The following TMEM94 variants were observed in gnomAD, a reference collection of about 807,000 sequenced individuals.
TMEM94 encodes ER Mg2+ ATPase.
Under a neutral mutation model 158.6 loss-of-function variants are expected in TMEM94, and 81 were observed. The ratio of observed to expected loss-of-function variants is 0.51; its 90% confidence interval spans 0.43 to 0.61. The LOEUF (loss-of-function observed/expected upper bound fraction) is 0.61. TMEM94 is among the 20% of genes least tolerant of loss of function. TMEM94 has a pLI of 0.00. For synonymous variants in TMEM94, 751 were observed against 730.7 expected (o/e 1.03, Z -0.45); for missense variants, 1,435 against 1,762.0 (o/e 0.81, Z 3.32).
rs762291033 is a variant in TMEM94, at chr17:75,490,762, C to A, written c.1128+4C>A. 3.1e-6 allele frequency: 5 copies of A among 1,613,040 alleles called. No homozygotes were observed. In the South Asian group the frequency reaches 5.5e-5, roughly 18 times the overall value. On this transcript the variant is annotated splice_donor_region_variant and intron_variant, in intron 11 of 31. Coordinates refer to ENST00000314256, the MANE Select transcript of TMEM94 (RefSeq NM_014738.6). ...TACGGAGGCTGTCTCCTCTCAGGTA[C>A]AACACTGACCCGGGATGGCTTCTCT...
At chr17:75,476,624 C>T in intron 2 of TMEM94, 1 of 1,530,338 alleles carries the variant, frequency 6.5e-7, no homozygotes, top group Non-Finnish European at 8.7e-7. Context: ...TCTTTTCACC[C>T]TCCCCGCTTT....
intron 1 of TMEM94, among the ~76,000 whole-genome samples, chr17:75,461,176 T>C (rs1284382555): frequency 6.8e-6 from 1 of 147,178 alleles, no homozygotes; most frequent in Non-Finnish European, 1.5e-5. Context: ...CTCAACTTAC[T>C]GCAATCTCCG....
Position 75,498,440 on chromosome 17 carries a change from G to C in TMEM94, c.3639-4G>C, listed in dbSNP as rs774385663. ...GGGGCTGAGCCCATGCCTCACTTTG[G>C]CAGCAACGACGACAGGGCTCCAGCC... On this transcript the variant is annotated splice_polypyrimidine_tract_variant and splice_region_variant and intron_variant, in intron 28 of 31. Transcript: ENST00000314256. The surrounding 1 kb of genome is among the most constrained non-coding windows in gnomAD (Gnocchi z 6.7). 5 of 1,589,058 alleles carry C rather than the reference G, an allele frequency of 3.1e-6. No individual in the cohort carries two copies. The East Asian group carries it at 9.0e-5, about 29-fold the overall frequency.
intron 23 of TMEM94, 85 bp downstream of exon 23, chr17:75,496,159 T>C: frequency 6.6e-7 from 1 of 1,517,926 alleles, no homozygotes; most frequent in Non-Finnish European, 9.0e-7. Context: ...GCTGGGGGTG[T>C]GTACTATAGC....
At position 75,493,756 on chromosome 17, in the gene TMEM94, C is replaced by G. The variant is rs143435789; in HGVS notation, c.2247C>G (p.Phe749Leu). 6.2e-7 allele frequency: 1 copy of G among 1,614,122 alleles called. No homozygotes were observed. Among genetic ancestry groups the G allele is most frequent in the African/African-American group, 1.3e-5 (1 of 75,054 alleles). Residue 749 changes from phenylalanine to leucine, a missense_variant, in exon 18 of 32, where the codon TTC becomes TTG. Phe to Leu is a conservative substitution (Grantham distance 22, BLOSUM62 0). Around this residue, in one of 3 missense-constraint regions of TMEM94, gnomAD observed 1,051 missense variants for 1,254.4 expected, o/e 0.84. Coordinates refer to ENST00000314256, the MANE Select transcript of TMEM94 (RefSeq NM_014738.6). ...RACLSGYCSA[F>L]AYKPMNCALS... The stretch of plus-strand genomic sequence containing the variant: ...GCCTGTCTGGGTATTGCTCTGCCTT[C>G]GCCTACAAGCCCATGAACTGCGCCC...
At chr17:75,497,278 A>T in intron 26 of TMEM94, 80 bp downstream of exon 26, 1 of 1,191,034 alleles carries the variant, frequency 8.4e-7, no homozygotes, top group Non-Finnish European at 1.2e-6. Flanking sequence ...CCAGGAGCCC[A>T]AGGTTCTGGA....
intron 2 of TMEM94, among the ~76,000 whole-genome samples, chr17:75,472,834 C>A (rs79514516): frequency 1.2e-4 from 18 of 152,300 alleles, no homozygotes; most frequent in Middle Eastern, 3.4e-3. Flanking sequence ...TGCTTCCCAC[C>A]CCTTTTTCTG....
At position 75,489,236 on chromosome 17, in the gene TMEM94, A is replaced by T. The variant is rs772405162; in HGVS notation, c.765-30A>T. 6.2e-7 allele frequency: 1 copy of T among 1,603,354 alleles called. No homozygotes were observed. Among genetic ancestry groups the T allele is most frequent in the Non-Finnish European group, 8.5e-7 (1 of 1,170,342 alleles). On this transcript the variant is annotated intron_variant, in intron 7 of 31. Coordinates refer to ENST00000314256, the MANE Select transcript of TMEM94 (RefSeq NM_014738.6). The surrounding 1 kb of genome is among the most constrained non-coding windows in gnomAD (Gnocchi z 5.0). The stretch of plus-strand genomic sequence containing the variant: ...GTGTAGGTTTCTAGCCTCTCTGCCA[A>T]GTGAGACTGACAGTCACTTCTTTCT...
rs966296179 is a variant in TMEM94, at chr17:75,489,800, G to T, written c.954+138G>T. ...TTCAGCTTAAGAACACCTCTTTCCA[G>T]CTGGGCGTGGGGACTCAGGCCTGTA... On this transcript the variant is annotated intron_variant, in intron 9 of 31. Coordinates refer to ENST00000314256, the MANE Select transcript of TMEM94 (RefSeq NM_014738.6). This position sits in a 1 kb window ranked among gnomAD's most constrained non-coding sequence, Gnocchi z 5.0. The T allele has an allele frequency of 2.6e-6, 2 of 755,474 alleles. No individual in the cohort carries two copies. The highest frequency in any genetic ancestry group is 4.4e-6 in the Non-Finnish European group (2 of 451,142). 46.8% of individuals were successfully genotyped at this position (755,474 alleles called of 1,614,324 possible).
At chr17:75,479,007 T>A (rs1489360123) in intron 2 of TMEM94, among the ~76,000 whole-genome samples, 1 of 152,182 alleles carries the variant, frequency 6.6e-6, no homozygotes, top group Non-Finnish European at 1.5e-5. Flanking sequence ...GCCTGTTCCC[T>A]CGCTATGCCC....
chr17:75,478,757 G>A (rs1460233740), intron 2 of TMEM94, among the ~76,000 whole-genome samples: 2 of 152,180 alleles, frequency 1.3e-5, no homozygotes, highest in East Asian at 1.9e-4. Flanking sequence ...TGAAAACAGC[G>A]GAATGGGGTT....
At chr17:75,490,789 G>T (rs376268128) in intron 11 of TMEM94, 31 bp downstream of exon 11, 1 of 1,597,286 alleles carries the variant, frequency 6.3e-7, no homozygotes, top group Admixed American at 1.7e-5. Context: ...GGCTTCTCTC[G>T]CAGGTCCCTA....
intron 1 of TMEM94, among the ~76,000 whole-genome samples, chr17:75,466,862 C>T (rs1391083422): frequency 6.6e-6 from 1 of 151,900 alleles, no homozygotes; most frequent in African/African-American, 2.4e-5. Context: ...CATCTTAATA[C>T]TGAGCCTTCC....
At position 75,499,199 on chromosome 17, in the gene TMEM94, C is replaced by G. The variant is rs896564277; in HGVS notation, c.3999-63C>G. The G allele has an allele frequency of 1.2e-5, 19 of 1,602,994 alleles. No individual in the cohort carries two copies. The African/African-American group carries it at 2.1e-4, about 18-fold the overall frequency. On this transcript the variant is annotated intron_variant, in intron 31 of 31. Coordinates refer to ENST00000314256, the MANE Select transcript of TMEM94 (RefSeq NM_014738.6). ...CCATCCCTCCCTCCTCCTCTGGTGT[C>G]CTGCCCCGGCCCCTGGTCTAAGGAT...
In TMEM94 at chr17:75,498,762, G is replaced by C. The variant is rs1377284936; in HGVS notation, c.3827+40G>C. On this transcript the variant is annotated intron_variant, in intron 30 of 31. Transcript: ENST00000314256. The surrounding 1 kb of genome is among the most constrained non-coding windows in gnomAD (Gnocchi z 6.7). Reference sequence around the variant, plus strand: ...GATGGAGGGCGGAGTGTGGGCTGGGGAGGAGAGGGCCTTCTGCAGGGCTAG... The same window carrying C: ...GATGGAGGGCGGAGTGTGGGCTGGGCAGGAGAGGGCCTTCTGCAGGGCTAG... 5 of 1,536,450 alleles carry C rather than the reference G, an allele frequency of 3.3e-6. No individual in the cohort carries two copies. The highest frequency in any genetic ancestry group is 2.8e-5 in the African/African-American group (2 of 72,638).
chr17:75,476,829 T>A, intron 2 of TMEM94: 4 of 1,524,774 alleles, frequency 2.6e-6, no homozygotes, highest in Non-Finnish European at 3.5e-6. Flanking sequence ...TAGCGGTTGC[T>A]GTGAGAGTCC....
chr17:75,475,799 C>T (rs1598339765), intron 2 of TMEM94, among the ~76,000 whole-genome samples: 1 of 152,296 alleles, frequency 6.6e-6, no homozygotes, highest in African/African-American at 2.4e-5. Context: ...GCTGGCCCGG[C>T]TCTTCCCTGC....
At chr17:75,497,079 T>C (rs2146886935) in intron 25 of TMEM94, 34 bp from the exon 26 acceptor site, 1 of 1,588,168 alleles carries the variant, frequency 6.3e-7, no homozygotes, top group Non-Finnish European at 8.6e-7. Context: ...TTGCCTGAAT[T>C]GAACTGTGGC....
rs1316638071 is a variant in TMEM94 at position 75,491,598 on chromosome 17, G to A, written c.1387-93G>A. 11 of 1,554,628 alleles carry A rather than the reference G, an allele frequency of 7.1e-6. No homozygotes were observed. Among genetic ancestry groups the A allele is most frequent in the Non-Finnish European group, 8.8e-6 (10 of 1,135,590 alleles). On this transcript the variant is annotated intron_variant, in intron 13 of 31. Coordinates refer to ENST00000314256, the MANE Select transcript of TMEM94 (RefSeq NM_014738.6). The surrounding 1 kb of genome is among the most constrained non-coding windows in gnomAD (Gnocchi z 5.1). ...TAGGATCTGCTTCTGGGCAGGTGAG[G>A]TGAAGACAAGGCAGCCAGGGGACCT...
Sources: allele counts gnomAD v4.1 joint callset (sites outside exome capture counted in the v4.1 genomes callset), GRCh38; gene constraint gnomAD v4.1.1; regional missense constraint gnomAD v4.1.1; non-coding constraint Gnocchi (gnomAD v3.1); transcripts MANE v1.5; gene names NCBI Gene and HGNC (gene_info 2026-07-23, HGNC 2026-07-21).